Variants in CDH18 observed in about 807,000 individuals in gnomAD.
CDH18 encodes the protein cadherin-18.
In CDH18, 31 loss-of-function variants were observed where a neutral mutation model predicts 67.9. The observed-to-expected ratio is 0.46, with a 90% CI of 0.34 to 0.62. CDH18 has a LOEUF of 0.62. Among genes scored for constraint, CDH18 ranks in the 20% least tolerant of loss-of-function variants. CDH18 has a pLI of 0.01. For synonymous variants in CDH18, 362 were observed against 347.2 expected, an observed-to-expected ratio of 1.04 and a Z score of -0.48; for missense variants, 890 against 975.5, an observed-to-expected ratio of 0.91 and a Z score of 1.17.
At chr5:20,231,916 TA>T (rs1742108896) in intron 2 of CDH18, among the ~76,000 whole-genome samples, 1 of 152,116 alleles carries the variant, frequency 6.6e-6, no homozygotes, top group South Asian at 2.1e-4. Flanking sequence ...CTTTTAAAGC[TA>T]AATCAATAGA....
intron 3 of CDH18, among the ~76,000 whole-genome samples, chr5:19,811,160 A>G (rs1368873719): frequency 4.7e-4 from 6 of 12,846 alleles, no homozygotes; most frequent in South Asian, 1.7e-3. Context: ...GAAAGAAAGA[A>G]GGAGAGAAAG....
chr5:20,230,639 T>TTCATCA (rs59175546), intron 2 of CDH18, among the ~76,000 whole-genome samples: 10 of 150,970 alleles, frequency 6.6e-5, no homozygotes, highest in East Asian at 2.0e-4. Flanking sequence ...AGTATAGACT[T>TTCATCA]TCATCATCAT....
At chr5:20,119,032 C>G (rs1414701335) in intron 2 of CDH18, among the ~76,000 whole-genome samples, 1 of 152,090 alleles carries the variant, frequency 6.6e-6, no homozygotes, top group Non-Finnish European at 1.5e-5. Flanking sequence ...ATTGGGATCA[C>G]AATTTCTCAG....
intron 2 of CDH18, among the ~76,000 whole-genome samples, chr5:19,999,151 G>T (rs1736241051): frequency 6.6e-6 from 1 of 152,086 alleles, no homozygotes. Context: ...AAACACAGGA[G>T]ATTTAAGAAG....
chr5:20,299,265 T>C (rs1043984882), intron 1 of CDH18, among the ~76,000 whole-genome samples: 1 of 152,102 alleles, frequency 6.6e-6, no homozygotes, highest in African/African-American at 2.4e-5. Flanking sequence ...AAAAACATGG[T>C]TGAATTCTGC....
intron 2 of CDH18, among the ~76,000 whole-genome samples, chr5:20,167,178 C>CCTCAAAACATCTAACAGAGTT (rs1440413684): frequency 6.6e-6 from 1 of 152,058 alleles, no homozygotes; most frequent in Non-Finnish European, 1.5e-5. Flanking sequence ...ATATACACTT[C>CCTCAAAACATCTAACAGAGTT]TAGTCAAAAA....
intron 2 of CDH18, among the ~76,000 whole-genome samples, chr5:20,156,060 A>T (rs1043161272): frequency 2.6e-5 from 4 of 152,154 alleles, no homozygotes; most frequent in South Asian, 2.1e-4. Context: ...CAGAATGGCT[A>T]TTATTAAAAA....
chr5:20,536,195 A>T (rs1756705349), intron 1 of CDH18, among the ~76,000 whole-genome samples: 1 of 152,168 alleles, frequency 6.6e-6, no homozygotes, highest in Non-Finnish European at 1.5e-5. Context: ...CCTATAATAT[A>T]ATAACCAATT....
chr5:20,470,989 C>G (rs1165699724), intron 1 of CDH18, among the ~76,000 whole-genome samples: 6 of 152,180 alleles, frequency 3.9e-5, no homozygotes. Flanking sequence ...TTCTTTTCAG[C>G]TTCCTCACCA....
intron 5 of CDH18, among the ~76,000 whole-genome samples, chr5:19,673,954 T>A (rs559006439): frequency 6.6e-6 from 1 of 152,210 alleles, no homozygotes; most frequent in East Asian, 1.9e-4. Flanking sequence ...TTTATTTTTT[T>A]AATCACATCT....
chr5:20,405,653 C>A (rs1200411753), intron 1 of CDH18, among the ~76,000 whole-genome samples: 1 of 151,984 alleles, frequency 6.6e-6, no homozygotes, highest in African/African-American at 2.4e-5. Context: ...AACAGGCAAC[C>A]TACAGAATGG....
At chr5:19,813,748 T>G (rs1363448774) in intron 3 of CDH18, among the ~76,000 whole-genome samples, 2 of 152,122 alleles carry the variant, frequency 1.3e-5, no homozygotes, top group Non-Finnish European at 2.9e-5. Context: ...CATAAACCAT[T>G]AAAATACACT....
chr5:19,477,167 C>T lies in CDH18; in HGVS notation c.1883-3451G>A, dbSNP rs143698919. Among the ~76,000 whole-genome samples, 656 of 148,660 alleles carry T rather than the reference C, an allele frequency of 4.4e-3. 4 individuals are homozygous for T. The highest frequency in any genetic ancestry group is 0.015 in the African/African-American group (613 of 40,752). ...ATTTATATATATATATGTATAAAAT[C>T]AAAATCTGAGACATTTTTGAGTGAA... is the stretch of plus-strand genomic sequence containing the variant. On this transcript the variant is annotated intron_variant, in intron 12 of 12. Coordinates refer to ENST00000382275, the MANE Select transcript of CDH18 (RefSeq NM_004934.5).
chr5:20,047,287 T>C (rs1281192989), intron 2 of CDH18, among the ~76,000 whole-genome samples: 1 of 151,814 alleles, frequency 6.6e-6, no homozygotes, highest in African/African-American at 2.4e-5. Flanking sequence ...ATGGTGAACA[T>C]CAATAAATCC....
At chr5:20,247,537 G>A (rs1443217489) in intron 2 of CDH18, among the ~76,000 whole-genome samples, 1 of 152,078 alleles carries the variant, frequency 6.6e-6, no homozygotes, top group Non-Finnish European at 1.5e-5. Context: ...AGGGCGAAAT[G>A]GGTGGATAAC....
chr5:19,922,399 A>C (rs2150172498), intron 2 of CDH18, among the ~76,000 whole-genome samples: 1 of 152,332 alleles, frequency 6.6e-6, no homozygotes, highest in Admixed American at 6.5e-5. Flanking sequence ...CACAAATGTT[A>C]AATATAGGAG....
At chr5:20,372,469 C>T (rs1327514631) in intron 1 of CDH18, among the ~76,000 whole-genome samples, 6 of 151,858 alleles carry the variant, frequency 4.0e-5, no homozygotes, top group African/African-American at 1.5e-4. Flanking sequence ...TTTCTGCACT[C>T]ATTAAGCAAC....
At chr5:20,142,413 C>T (rs1169785352) in intron 2 of CDH18, among the ~76,000 whole-genome samples, 6 of 151,752 alleles carry the variant, frequency 4.0e-5, no homozygotes, top group African/African-American at 1.5e-4. Context: ...AACTCCGTCT[C>T]TACTGAAAAT....
intron 1 of CDH18, among the ~76,000 whole-genome samples, chr5:20,343,313 T>C (rs1030079493): frequency 2.0e-5 from 3 of 152,092 alleles, no homozygotes; most frequent in Admixed American, 6.6e-5. Flanking sequence ...AGAAAACTTA[T>C]AGGTTGAATG....
Sources: gnomAD v4.1 joint callset for allele counts (sites outside exome capture counted in the v4.1 genomes callset) on GRCh38, gnomAD v4.1.1 for gene constraint, MANE v1.5 for transcripts, NCBI Gene and HGNC (gene_info 2026-07-23, HGNC 2026-07-21) for gene names.